Variants in SOX5 observed in about 807,000 individuals in gnomAD.
SOX5 encodes transcription factor SOX-5.
SOX5 carries 9 observed loss-of-function variants against 92.0 expected under a neutral mutation model. The ratio of observed to expected loss-of-function variants is 0.10; its 90% confidence interval spans 0.06 to 0.17. The LOEUF (loss-of-function observed/expected upper bound fraction) is 0.17, where lower values mean the gene tolerates loss of function less well. Ranked by LOEUF, SOX5 falls within the 10% of genes least tolerant of loss-of-function variation. The pLI is 1.00. For missense variants in SOX5, 642 were observed against 944.5 expected, an observed-to-expected ratio of 0.68 and a Z score of 4.20; for synonymous variants, 344 against 336.3, an observed-to-expected ratio of 1.02 and a Z score of -0.25.
intron 3 of SOX5, chr12:24,227,711 G>C (rs1962393834): frequency 6.6e-6 from 1 of 152,002 alleles, no homozygotes; most frequent in Non-Finnish European, 1.5e-5. Flanking sequence ...TCACATACAG[G>C]GCACTAATCG....
At chr12:24,288,174 T>G (rs1403310447) in intron 2 of SOX5, among the ~76,000 whole-genome samples, 5 of 152,184 alleles carry the variant, frequency 3.3e-5, no homozygotes, top group Non-Finnish European at 7.3e-5. Context: ...TTTATTGTGA[T>G]GACTTGGAGG....
chr12:24,519,092 C>T (rs17284897), intron 1 of SOX5, among the ~76,000 whole-genome samples: 15,032 of 151,982 alleles, frequency 0.099, 905 homozygotes, highest in Middle Eastern at 0.15. Context: ...AAATTGAGAA[C>T]GGTATGGCAT....
At chr12:23,994,357 AAAG>A (rs1224864657) in intron 4 of SOX5, among the ~76,000 whole-genome samples, 1 of 152,194 alleles carries the variant, frequency 6.6e-6, no homozygotes, top group Non-Finnish European at 1.5e-5. Context: ...TTCAAATTTT[AAAG>A]AAGAGTAATA....
At chr12:23,581,210 G>C (rs2136888759) in intron 9 of SOX5, among the ~76,000 whole-genome samples, 1 of 152,014 alleles carries the variant, frequency 6.6e-6, no homozygotes, top group Non-Finnish European at 1.5e-5. Context: ...TTTTAATAGA[G>C]AACTAGATAA....
At chr12:24,398,824 T>G (rs1012178504) in intron 1 of SOX5, among the ~76,000 whole-genome samples, 1 of 152,152 alleles carries the variant, frequency 6.6e-6, no homozygotes, top group African/African-American at 2.4e-5. Flanking sequence ...ATTTCAAACC[T>G]AGTTTCACTC....
At chr12:23,976,806 CTGT>C (rs755335187) in intron 4 of SOX5, among the ~76,000 whole-genome samples, 19 of 151,816 alleles carry the variant, frequency 1.3e-4, no homozygotes, top group Non-Finnish European at 2.4e-4. Context: ...TTGTTTTTTT[CTGT>C]TGTTGTTGTT....
At chr12:24,147,645 C>T (rs1028519300) in intron 4 of SOX5, among the ~76,000 whole-genome samples, 11 of 152,280 alleles carry the variant, frequency 7.2e-5, no homozygotes, top group African/African-American at 2.6e-4. Context: ...TCACAGACAA[C>T]ATAATTGTCT....
chr12:24,463,381 G>A (rs568403106), intron 1 of SOX5, among the ~76,000 whole-genome samples: 6 of 152,276 alleles, frequency 3.9e-5, no homozygotes, highest in Admixed American at 3.9e-4. Context: ...AAGACAGGAA[G>A]ACCTGCCTTG....
At chr12:24,353,681 C>T (rs920499060) in intron 2 of SOX5, among the ~76,000 whole-genome samples, 2 of 152,026 alleles carry the variant, frequency 1.3e-5, no homozygotes, top group African/African-American at 4.8e-5. Flanking sequence ...TGCTCTGTCA[C>T]CCAGGCTGGA....
At chr12:23,787,108 G>A (rs577772793) in intron 3 of SOX5, among the ~76,000 whole-genome samples, 4 of 111,900 alleles carry the variant, frequency 3.6e-5, no homozygotes, top group African/African-American at 1.0e-4. Flanking sequence ...GGAGGAAGGA[G>A]TAGAGTATGC....
At chr12:23,744,832 G>A (rs1035148081) in intron 4 of SOX5, among the ~76,000 whole-genome samples, 1 of 152,084 alleles carries the variant, frequency 6.6e-6, no homozygotes, top group African/African-American at 2.4e-5. Context: ...GACAGAAATT[G>A]CCTTACAGTT....
intron 1 of SOX5, among the ~76,000 whole-genome samples, chr12:23,939,719 A>G (rs1382435465): frequency 2.0e-5 from 3 of 150,812 alleles, no homozygotes; most frequent in Non-Finnish European, 4.5e-5. Flanking sequence ...ATATATTAAC[A>G]ATATATGAAG....
In SOX5 at chr12:23,934,740, T is replaced by C. The variant is rs912946515; in HGVS notation, c.38+14824A>G. Among the ~76,000 whole-genome samples the C allele has an allele frequency of 2.6e-5, 4 of 151,290 alleles. No individual in the cohort carries two copies. In the Admixed American group the frequency reaches 2.6e-4, roughly 10 times the overall value. ...GTTAAAGAATAATCATAACATACAT[T>C]TCCTAAACATGCTAAGTTATAAATG... On this transcript the variant is annotated intron_variant, in intron 1 of 14. Transcript: ENST00000451604.
At chr12:24,541,600 G>C (rs773320353) in intron 1 of SOX5, among the ~76,000 whole-genome samples, 1 of 152,150 alleles carries the variant, frequency 6.6e-6, no homozygotes, top group Non-Finnish European at 1.5e-5. Flanking sequence ...ACATAGTTTA[G>C]AAGTAAAGAA....
At chr12:24,419,530 T>C (rs1965584283) in intron 1 of SOX5, among the ~76,000 whole-genome samples, 1 of 152,112 alleles carries the variant, frequency 6.6e-6, no homozygotes, top group African/African-American at 2.4e-5. Context: ...GAACAGCAAA[T>C]GTTACAGACT....
chr12:23,734,154 T>A (rs1039062339), intron 6 of SOX5, among the ~76,000 whole-genome samples: 3 of 152,172 alleles, frequency 2.0e-5, no homozygotes, highest in African/African-American at 4.8e-5. Context: ...TATTGCAAAT[T>A]TCCAAATAAC....
chr12:23,790,550 A>T lies in SOX5; in HGVS notation c.482-34826T>A, dbSNP rs201853656. ...CTCTCTCTCTCTCTCTCAATCTCTC[A>T]CACACACACACACACACACACACAC... is the stretch of plus-strand genomic sequence containing the variant. On this transcript the variant is annotated intron_variant, in intron 3 of 14. Coordinates refer to ENST00000451604, the MANE Select transcript of SOX5 (RefSeq NM_006940.6). Among the ~76,000 whole-genome samples the T allele has an allele frequency of 3.1e-3, 426 of 139,050 alleles. 1 individual carries two copies. Among genetic ancestry groups the T allele is most frequent in the African/African-American group, 8.0e-3 (301 of 37,556 alleles). 91.2% of individuals were successfully genotyped at this position (139,050 alleles called of 152,430 possible). A position where few individuals can be genotyped will look rare whatever the true frequency, so the allele number is the denominator to read the frequency against.
rs1027571867 is a variant in SOX5 at position 23,963,399 on chromosome 12, C to T, written c.-1-67375G>A. On this transcript the variant is annotated intron_variant, in intron 4 of 4. Coordinates refer to the SOX5 transcript ENST00000446891. Reference sequence around the variant, plus strand: ...ATTTCTCTATAATTCCAGTCAAATTCCAGTCAAATACATATAATCATGCTT... The same window carrying T: ...ATTTCTCTATAATTCCAGTCAAATTTCAGTCAAATACATATAATCATGCTT... 1.2e-3 allele frequency among the ~76,000 whole-genome samples: 180 copies of T among 152,240 alleles called. 2 individuals are homozygous for T. Among genetic ancestry groups the T allele is most frequent in the Non-Finnish European group, 5.3e-4 (36 of 67,998 alleles).
chr12:23,647,253 C>A (rs1382484558), intron 7 of SOX5, among the ~76,000 whole-genome samples: 2 of 152,116 alleles, frequency 1.3e-5, no homozygotes, highest in Admixed American at 1.3e-4. Flanking sequence ...TGAAAGAAAT[C>A]TTTTTTCTGA....
Sources: gnomAD v4.1 joint callset for allele counts (sites outside exome capture counted in the v4.1 genomes callset) on GRCh38, gnomAD v4.1.1 for gene constraint, MANE v1.5 for transcripts, NCBI Gene and HGNC (gene_info 2026-07-23, HGNC 2026-07-21) for gene names.